The following PRKAR2A variants were observed in gnomAD, a reference collection of about 807,000 sequenced individuals.
The protein encoded by PRKAR2A is cAMP-dependent protein kinase type II-alpha regulatory subunit.
A neutral mutation model predicts 51.9 loss-of-function variants in PRKAR2A; 29 were observed. The observed-to-expected ratio is 0.56, with a 90% CI of 0.42 to 0.76. PRKAR2A has a LOEUF of 0.76. Ranked by LOEUF, PRKAR2A falls within the 30% of genes least tolerant of loss-of-function variation. The pLI is 0.00. For synonymous variants in PRKAR2A, 178 were observed against 186.2 expected (o/e 0.96, Z 0.36); for missense variants, 445 against 512.1 (o/e 0.87, Z 1.26).
At chr3:48,815,241 G>C (rs1159319671) in intron 1 of PRKAR2A, among the ~76,000 whole-genome samples, 2 of 151,862 alleles carry the variant, frequency 1.3e-5, no homozygotes, top group African/African-American at 2.4e-5. Flanking sequence ...AAAGCCCCTT[G>C]ATATTCAAAC....
At chr3:48,828,555 C>A (rs1354591151) in intron 1 of PRKAR2A, among the ~76,000 whole-genome samples, 2 of 151,440 alleles carry the variant, frequency 1.3e-5, no homozygotes, top group East Asian at 1.9e-4. Flanking sequence ...TCCGCCTCTA[C>A]AAAAAAATAG....
At chr3:48,789,268 G>C (rs568208039) in intron 4 of PRKAR2A, among the ~76,000 whole-genome samples, 1 of 152,220 alleles carries the variant, frequency 6.6e-6, no homozygotes, top group East Asian at 1.9e-4. Flanking sequence ...GTTCCAAGGG[G>C]ATATGTGGAT....
intron 1 of PRKAR2A, among the ~76,000 whole-genome samples, chr3:48,839,139 T>A (rs2083336089): frequency 6.6e-6 from 1 of 151,814 alleles, no homozygotes; most frequent in Non-Finnish European, 1.5e-5. Flanking sequence ...AACACAAACA[T>A]TAGCCGGGCG....
At chr3:48,791,653 T>C (rs1380274609) in intron 3 of PRKAR2A, among the ~76,000 whole-genome samples, 2 of 127,072 alleles carry the variant, frequency 1.6e-5, no homozygotes, top group African/African-American at 5.9e-5. Context: ...TCCCAGGTAA[T>C]CCCAGCACTT....
intron 1 of PRKAR2A, among the ~76,000 whole-genome samples, chr3:48,829,847 G>GTGTGTATATATATATA (rs777532795): frequency 1.6e-5 from 1 of 63,758 alleles, no homozygotes; most frequent in East Asian, 5.9e-4. Context: ...ATGCGTGTGT[G>GTGTGTATATATATATA]TATATATATA....
chr3:48,789,695 G>A (rs908428826), intron 4 of PRKAR2A, among the ~76,000 whole-genome samples: 1 of 151,600 alleles, frequency 6.6e-6, no homozygotes, highest in Admixed American at 6.6e-5. Flanking sequence ...TTCACTGTTG[G>A]CCAGGCTGGT....
Position 48,787,145 on chromosome 3 carries a change from G to A in PRKAR2A, c.435+3399C>T, listed in dbSNP as rs565445694. Among the ~76,000 whole-genome samples the A allele has an allele frequency of 1.2e-4, 18 of 144,728 alleles. No homozygotes were observed. In the East Asian group the frequency reaches 2.7e-3, roughly 22 times the overall value. 94.9% of individuals were successfully genotyped at this position (144,728 alleles called of 152,430 possible). On this transcript the variant is annotated intron_variant, in intron 4 of 10. Transcript: ENST00000265563. Reference sequence around the variant, plus strand: ...TCTACCAGAAAAAAGACATTATTGAGAAAAGTAATTATTTATTTATTTATT... The same window carrying A: ...TCTACCAGAAAAAAGACATTATTGAAAAAAGTAATTATTTATTTATTTATT...
chr3:48,825,028 CTTTT>C (rs1168503342), intron 1 of PRKAR2A, among the ~76,000 whole-genome samples: 1 of 74,688 alleles, frequency 1.3e-5, no homozygotes, highest in Admixed American at 2.0e-4. Flanking sequence ...ATTTTCTTTT[CTTTT>C]TTTTTTTTTT....
intron 3 of PRKAR2A, among the ~76,000 whole-genome samples, chr3:48,792,570 T>C (rs1365768171): frequency 1.4e-5 from 2 of 145,226 alleles, no homozygotes; most frequent in Non-Finnish European, 3.0e-5. Context: ...CAAGCGATTC[T>C]CCTGCCTCAG....
At chr3:48,809,974 C>A (rs2082745422) in intron 1 of PRKAR2A, among the ~76,000 whole-genome samples, 1 of 152,060 alleles carries the variant, frequency 6.6e-6, no homozygotes, top group African/African-American at 2.4e-5. Flanking sequence ...AATCAGTCTA[C>A]CTACCTTGAT....
chr3:48,832,296 C>CAAAAAAAAAAAAAACAAA (rs2083201942), intron 1 of PRKAR2A, among the ~76,000 whole-genome samples: 1 of 72,608 alleles, frequency 1.4e-5, no homozygotes. Context: ...AACTTCATCT[C>CAAAAAAAAAAAAAACAAA]AAAAAAAAAA....
intron 9 of PRKAR2A, among the ~76,000 whole-genome samples, chr3:48,755,457 A>C (rs963331997): frequency 1.3e-5 from 2 of 152,104 alleles, no homozygotes; most frequent in African/African-American, 4.8e-5. Context: ...CATTCCTCCT[A>C]CTTACAGCTC....
chr3:48,799,993 G>T lies in PRKAR2A; in HGVS notation c.299-5944C>A, dbSNP rs950171457. ...TCCTGCCTCAGCCTCCCGAGTAGCT[G>T]GGATTACAGGCACCTGCCACCACAC... On this transcript the variant is annotated intron_variant, in intron 2 of 10. Coordinates refer to ENST00000265563, the MANE Select transcript of PRKAR2A (RefSeq NM_004157.4). Among the ~76,000 whole-genome samples the T allele has an allele frequency of 8.6e-5, 13 of 151,712 alleles. 1 individual carries two copies. The highest frequency in any genetic ancestry group is 1.8e-4 in the Non-Finnish European group (12 of 67,954).
intron 1 of PRKAR2A, among the ~76,000 whole-genome samples, chr3:48,836,961 T>C (rs1286846143): frequency 6.6e-6 from 1 of 151,828 alleles, no homozygotes; most frequent in Non-Finnish European, 1.5e-5. Flanking sequence ...TGAAACCCCA[T>C]CTCCACAAAA....
At chr3:48,801,688 C>A (rs879725624) in intron 2 of PRKAR2A, among the ~76,000 whole-genome samples, 7 of 152,164 alleles carry the variant, frequency 4.6e-5, no homozygotes, top group Admixed American at 2.0e-4. Context: ...ACCTTCGTCT[C>A]CTGGGTTCAA....
At chr3:48,827,018 C>T (rs1297341261) in intron 1 of PRKAR2A, among the ~76,000 whole-genome samples, 1 of 152,148 alleles carries the variant, frequency 6.6e-6, no homozygotes, top group Non-Finnish European at 1.5e-5. Context: ...TAAGAGCAGT[C>T]TTGCTGAAAA....
intron 2 of PRKAR2A, among the ~76,000 whole-genome samples, chr3:48,794,527 T>G (rs963188594): frequency 6.6e-6 from 1 of 151,810 alleles, no homozygotes; most frequent in Admixed American, 6.6e-5. Context: ...AAACCCCATC[T>G]CTACTAAAAA....
At chr3:48,807,391 T>G (rs776185221) in intron 2 of PRKAR2A, among the ~76,000 whole-genome samples, 2 of 152,150 alleles carry the variant, frequency 1.3e-5, no homozygotes, top group African/African-American at 2.4e-5. Context: ...AATCATTTTT[T>G]GAAGCTGTAA....
chr3:48,756,824 G>A (rs1463163482), intron 8 of PRKAR2A, among the ~76,000 whole-genome samples: 1 of 152,196 alleles, frequency 6.6e-6, no homozygotes, highest in Non-Finnish European at 1.5e-5. Flanking sequence ...TGTCTTCACT[G>A]AGAATCTACT....
Sources: gnomAD v4.1 joint callset for allele counts (sites outside exome capture counted in the v4.1 genomes callset) on GRCh38, gnomAD v4.1.1 for gene constraint, MANE v1.5 for transcripts, NCBI Gene and HGNC (gene_info 2026-07-23, HGNC 2026-07-21) for gene names.